Variants in CADM1 observed in about 807,000 individuals in gnomAD.
The protein encoded by CADM1 is cell adhesion molecule 1.
Under a neutral mutation model 53.1 loss-of-function variants are expected in CADM1, and 15 were observed. That is an observed-to-expected ratio of 0.28 (90% CI 0.19 to 0.44). CADM1 has a LOEUF of 0.44. Among genes scored for constraint, CADM1 ranks in the 20% least tolerant of loss-of-function variants. CADM1 has a pLI of 1.00. For synonymous variants in CADM1, 281 were observed against 243.0 expected (o/e 1.16, Z -1.45); for missense variants, 434 against 611.3 (o/e 0.71, Z 3.06).
intron 5 of CADM1, among the ~76,000 whole-genome samples, chr11:115,227,989 G>A (rs1199624621): frequency 6.6e-6 from 1 of 152,220 alleles, no homozygotes; most frequent in African/African-American, 2.4e-5. Context: ...TCAAGATGAG[G>A]CCATTCTGGA....
chr11:115,434,138 G>A (rs2135304172), intron 1 of CADM1, among the ~76,000 whole-genome samples: 1 of 152,218 alleles, frequency 6.6e-6, no homozygotes, highest in South Asian at 2.1e-4. Flanking sequence ...TTTCACACTG[G>A]CTTCCCCATG....
At chr11:115,503,326 C>A (rs1949773849) in intron 1 of CADM1, among the ~76,000 whole-genome samples, 1 of 152,206 alleles carries the variant, frequency 6.6e-6, no homozygotes, top group African/African-American at 2.4e-5. Context: ...AGGCACCGGG[C>A]GTGCAGAGCC....
chr11:115,379,723 G>T (rs1946527422), intron 1 of CADM1, among the ~76,000 whole-genome samples: 1 of 152,122 alleles, frequency 6.6e-6, no homozygotes, highest in African/African-American at 2.4e-5. Context: ...TCATGCTTCT[G>T]CTCAACTTCA....
At chr11:115,278,329 A>G (rs1487051827) in intron 1 of CADM1, among the ~76,000 whole-genome samples, 2 of 152,224 alleles carry the variant, frequency 1.3e-5, no homozygotes, top group Non-Finnish European at 2.9e-5. Flanking sequence ...TGGTGGATAT[A>G]AGCAAGTAAA....
intron 8 of CADM1, among the ~76,000 whole-genome samples, chr11:115,204,760 G>C (rs961914856): frequency 6.6e-6 from 1 of 152,112 alleles, no homozygotes; most frequent in Admixed American, 6.5e-5. Context: ...AAGGATAAAG[G>C]CTATACCCAC....
At chr11:115,375,598 T>C (rs1435683234) in intron 1 of CADM1, among the ~76,000 whole-genome samples, 3 of 152,216 alleles carry the variant, frequency 2.0e-5, no homozygotes, top group African/African-American at 7.2e-5. Flanking sequence ...TGATGTATAA[T>C]ACTTACATAG....
chr11:115,428,839 G>C (rs555883938), intron 1 of CADM1, among the ~76,000 whole-genome samples: 1 of 152,086 alleles, frequency 6.6e-6, no homozygotes, highest in South Asian at 2.1e-4. Flanking sequence ...ATCCAGAAAG[G>C]ATAAAATTAT....
chr11:115,445,475 T>C lies in CADM1; in HGVS notation c.124+58796A>G, dbSNP rs1268770513. Among the ~76,000 whole-genome samples the C allele has an allele frequency of 2.6e-5, 4 of 151,576 alleles. No individual in the cohort carries two copies. In the East Asian group the frequency reaches 7.7e-4, roughly 29 times the overall value. ...TAGTAAATCCATAATAATGTTATAC[T>C]ATCACTATTATACCATGCAATCATT... is the stretch of plus-strand genomic sequence containing the variant. On this transcript the variant is annotated intron_variant, in intron 1 of 11. Coordinates refer to ENST00000331581, the MANE Select transcript of CADM1 (RefSeq NM_001301043.2).
chr11:115,379,401 A>T (rs1210592938), intron 1 of CADM1, among the ~76,000 whole-genome samples: 1 of 152,256 alleles, frequency 6.6e-6, no homozygotes, highest in Non-Finnish European at 1.5e-5. Flanking sequence ...GGAAAACAGC[A>T]CATTAAAAAG....
intron 1 of CADM1, among the ~76,000 whole-genome samples, chr11:115,426,713 T>C (rs573364870): frequency 6.7e-4 from 102 of 152,204 alleles, no homozygotes; most frequent in Non-Finnish European, 1.4e-3. Context: ...CTTCCCCCTT[T>C]ACCCCCTCTG....
intron 1 of CADM1, among the ~76,000 whole-genome samples, chr11:115,298,803 A>G (rs1455972629): frequency 1.3e-5 from 2 of 152,212 alleles, no homozygotes; most frequent in Non-Finnish European, 2.9e-5. Flanking sequence ...TTTACTAAAT[A>G]TAGAAGGATG....
intron 1 of CADM1, among the ~76,000 whole-genome samples, chr11:115,349,136 G>A (rs1945659366): frequency 6.6e-6 from 1 of 152,098 alleles, no homozygotes; most frequent in Non-Finnish European, 1.5e-5. Flanking sequence ...AACTATATGT[G>A]TCGCTCCTTT....
At chr11:115,427,727 G>A (rs1251686428) in intron 1 of CADM1, among the ~76,000 whole-genome samples, 4 of 151,826 alleles carry the variant, frequency 2.6e-5, no homozygotes, top group Non-Finnish European at 5.9e-5. Flanking sequence ...GTAATTAAAG[G>A]GCCAGGCACG....
chr11:115,335,314 AG>A (rs987333152), intron 1 of CADM1, among the ~76,000 whole-genome samples: 1 of 152,162 alleles, frequency 6.6e-6, no homozygotes, highest in African/African-American at 2.4e-5. Context: ...CATTTTCCAC[AG>A]CAAAAAAATT....
chr11:115,411,114 T>C (rs1947450001), intron 1 of CADM1, among the ~76,000 whole-genome samples: 1 of 152,190 alleles, frequency 6.6e-6, no homozygotes, highest in Non-Finnish European at 1.5e-5. Context: ...TAATTACATG[T>C]TTAATCACAT....
chr11:115,182,282 C>T (rs1288450848), intron 10 of CADM1, among the ~76,000 whole-genome samples: 3 of 152,176 alleles, frequency 2.0e-5, no homozygotes, highest in Non-Finnish European at 2.9e-5. Flanking sequence ...ATGCCTGATG[C>T]TCAGGCATAT....
At chr11:115,415,733 G>T (rs558203801) in intron 1 of CADM1, among the ~76,000 whole-genome samples, 1 of 147,538 alleles carries the variant, frequency 6.8e-6, no homozygotes, top group East Asian at 2.0e-4. Context: ...CTACTCAAGG[G>T]GCTGAGGCAG....
At chr11:115,202,038 CTCT>C (rs1940455339) in intron 8 of CADM1, among the ~76,000 whole-genome samples, 1 of 152,136 alleles carries the variant, frequency 6.6e-6, no homozygotes, top group African/African-American at 2.4e-5. Context: ...AAATTGACTT[CTCT>C]TCTTAGTCTC....
intron 1 of CADM1, among the ~76,000 whole-genome samples, chr11:115,256,665 T>G (rs1269530230): frequency 6.6e-6 from 1 of 152,242 alleles, no homozygotes; most frequent in African/African-American, 2.4e-5. Context: ...TAAACTTTTT[T>G]TCTGGTTGGA....
Sources: gnomAD v4.1 joint callset for allele counts (sites outside exome capture counted in the v4.1 genomes callset) on GRCh38, gnomAD v4.1.1 for gene constraint, MANE v1.5 for transcripts, NCBI Gene and HGNC (gene_info 2026-07-23, HGNC 2026-07-21) for gene names.